The following RALGAPB variants were observed in gnomAD, a reference collection of about 807,000 sequenced individuals.
RALGAPB encodes Ral GTPase activating protein non-catalytic subunit beta, also known as ral GTPase-activating protein subunit beta.
Under a neutral mutation model 161.1 loss-of-function variants are expected in RALGAPB, and 25 were observed. That is an observed-to-expected ratio of 0.16 (90% CI 0.11 to 0.22). The LOEUF (loss-of-function observed/expected upper bound fraction) is 0.22. RALGAPB is among the 10% of genes least tolerant of loss of function. The probability of loss-of-function intolerance (pLI) is 1.00; values close to 1 mark genes in which losing one functional copy is unlikely to be tolerated. For missense variants in RALGAPB, 1,391 were observed against 1,815.2 expected, an observed-to-expected ratio of 0.77 and a Z score of 4.25; for synonymous variants, 629 against 626.1, an observed-to-expected ratio of 1.00 and a Z score of -0.07.
rs970897139 is a variant in RALGAPB at position 38,577,775 on chromosome 20, T to A, written c.*2808T>A. On this transcript the variant is annotated 3_prime_UTR_variant, in exon 30 of 30. Transcript: ENST00000262879. ...TTTTCCTTCATTTCCAGATCCTTTA[T>A]TTCAGAGCAGCCCATTTTCCTCTGG... 6.6e-6 allele frequency: 1 copy of A among 152,332 alleles called. No homozygotes were observed. The highest frequency in any genetic ancestry group is 2.4e-5 in the African/African-American group (1 of 41,272). The allele number at this position is 152,332 out of a possible 1,614,324, so 9.4% of individuals were successfully genotyped here.
intron 16 of RALGAPB, among the ~76,000 whole-genome samples, chr20:38,535,692 C>A (rs1197805237): frequency 6.6e-6 from 1 of 151,746 alleles, no homozygotes; most frequent in Non-Finnish European, 1.5e-5. Context: ...TCCAAGCAAT[C>A]CCCCTGCCTC....
At chr20:38,564,286 T>C (rs1352863416) in intron 24 of RALGAPB, among the ~76,000 whole-genome samples, 1 of 152,226 alleles carries the variant, frequency 6.6e-6, no homozygotes, top group Non-Finnish European at 1.5e-5. Flanking sequence ...ACATTGTCTA[T>C]GACAGCTTTC....
chr20:38,521,764 C>T (rs887593255), intron 10 of RALGAPB, 66 bp downstream of exon 10: 21 of 1,511,288 alleles, frequency 1.4e-5, no homozygotes, highest in African/African-American at 5.5e-5. Flanking sequence ...GTTGGTTGGC[C>T]GACTGAACCG....
At chr20:38,566,539 C>G (rs1285201149) in intron 25 of RALGAPB, among the ~76,000 whole-genome samples, 1 of 152,174 alleles carries the variant, frequency 6.6e-6, no homozygotes, top group Non-Finnish European at 1.5e-5. Context: ...CACTCCAACT[C>G]AGCTTCCTCC....
intron 13 of RALGAPB, among the ~76,000 whole-genome samples, chr20:38,527,455 C>T (rs2123157885): frequency 6.6e-6 from 1 of 152,304 alleles, no homozygotes; most frequent in Middle Eastern, 3.4e-3. Context: ...TCGTAAGTCT[C>T]AAAAGCCATT....
At chr20:38,520,888 C>T (rs1159869298) in intron 9 of RALGAPB, among the ~76,000 whole-genome samples, 2 of 152,152 alleles carry the variant, frequency 1.3e-5, no homozygotes, top group African/African-American at 4.8e-5. Flanking sequence ...TTATCAGCCT[C>T]AAGTTAGCTG....
chr20:38,487,910 T>C (rs1451794242), intron 1 of RALGAPB, among the ~76,000 whole-genome samples: 2 of 151,942 alleles, frequency 1.3e-5, no homozygotes, highest in Non-Finnish European at 2.9e-5. Flanking sequence ...CTACTAAAAA[T>C]ACAAAATTAG....
intron 26 of RALGAPB, chr20:38,569,095 G>A (rs948877557): frequency 6.6e-5 from 10 of 152,130 alleles, no homozygotes; most frequent in Admixed American, 5.2e-4. Context: ...ATAATTATCC[G>A]GGGGGACTTG....
Position 38,538,810 on chromosome 20 carries a change from A to T in RALGAPB, c.2380-966A>T, listed in dbSNP as rs192989826. The stretch of plus-strand genomic sequence containing the variant: ...TGGAGGAACTATTGACGAGAATGTT[A>T]AATGGAGCCACCATTTTGGAAAACA... On this transcript the variant is annotated intron_variant, in intron 16 of 29. Transcript: ENST00000262879. 4.1e-3 allele frequency among the ~76,000 whole-genome samples: 620 copies of T among 152,334 alleles called. 2 individuals carry two copies. Among genetic ancestry groups the T allele is most frequent in the Non-Finnish European group, 7.4e-3 (505 of 68,034 alleles).
chr20:38,529,623 G>C (rs541784359), intron 13 of RALGAPB, among the ~76,000 whole-genome samples: 8 of 152,166 alleles, frequency 5.3e-5, no homozygotes, highest in African/African-American at 1.9e-4. Flanking sequence ...ACGAGGTGAG[G>C]AGTTCAAGAC....
At position 38,574,785 on chromosome 20, in the gene RALGAPB, A is replaced by C; in HGVS notation, c.4303A>C (p.Arg1435=). 1 of 1,613,698 alleles carries C rather than the reference A, an allele frequency of 6.2e-7. No individual in the cohort carries two copies. Among genetic ancestry groups the C allele is most frequent in the Non-Finnish European group, 8.5e-7 (1 of 1,179,612 alleles). The part of the protein sequence containing the change: ...VSRRALGFLV[R]QTVINICRRK... ...TCTCTATTTTCAAGGCTTTCTGGTG[A>C]GGCAGACTGTAATTAACATTTGTAG... is the stretch of plus-strand genomic sequence containing the variant. The change falls in exon 30 of 30, where the codon AGG becomes CGG. Residue 1435 remains arginine, a synonymous_variant. Coordinates refer to ENST00000262879, the MANE Select transcript of RALGAPB (RefSeq NM_020336.4).
intron 10 of RALGAPB, among the ~76,000 whole-genome samples, chr20:38,524,303 C>A (rs569932134): frequency 6.6e-6 from 1 of 152,186 alleles, no homozygotes; most frequent in Admixed American, 6.5e-5. Flanking sequence ...AATGTAAACA[C>A]ACCTTTTTCC....
At chr20:38,485,982 T>TTC (rs1277678615) in intron 1 of RALGAPB, among the ~76,000 whole-genome samples, 2 of 148,814 alleles carry the variant, frequency 1.3e-5, no homozygotes, top group African/African-American at 4.9e-5. Context: ...TTTTTTTTTT[T>TTC]TTTTGAGATG....
At chr20:38,569,321 T>G (rs1385509579) in intron 26 of RALGAPB, 2 of 148,686 alleles carry the variant, frequency 1.3e-5, no homozygotes, top group African/African-American at 5.5e-5. Context: ...CTGTTAACCT[T>G]GCAGTGAAAC....
intron 22 of RALGAPB, 30 bp downstream of exon 22, chr20:38,554,106 A>T: frequency 6.6e-7 from 1 of 1,507,826 alleles, no homozygotes. Context: ...ATGAATAAAT[A>T]TATTCACAAG....
chr20:38,553,524 C>T (rs1199612324), intron 21 of RALGAPB, among the ~76,000 whole-genome samples: 1 of 152,032 alleles, frequency 6.6e-6, no homozygotes, highest in Non-Finnish European at 1.5e-5. Context: ...GTTTTTTTGG[C>T]ATTTGTTTTA....
At chr20:38,536,027 C>G (rs567209961) in intron 16 of RALGAPB, among the ~76,000 whole-genome samples, 1 of 152,292 alleles carries the variant, frequency 6.6e-6, no homozygotes, top group East Asian at 1.9e-4. Flanking sequence ...TAAAAGCAAA[C>G]AATTCAGTGA....
At chr20:38,566,491 GTCTCCTGTTGTGAAACA>G (rs2088004021) in intron 25 of RALGAPB, among the ~76,000 whole-genome samples, 1 of 152,104 alleles carries the variant, frequency 6.6e-6, no homozygotes, top group Non-Finnish European at 1.5e-5. Context: ...TTGGGTCTTT[GTCTCCTGTTGTGAAACA>G]TCTCCTATGC....
intron 5 of RALGAPB, among the ~76,000 whole-genome samples, chr20:38,501,222 A>AT (rs1310401552): frequency 7.2e-5 from 11 of 152,244 alleles, no homozygotes. Flanking sequence ...GGCAAGCTGA[A>AT]GCCAGTGCTC....
Sources: allele counts gnomAD v4.1 joint callset (sites outside exome capture counted in the v4.1 genomes callset), GRCh38; gene constraint gnomAD v4.1.1; transcripts MANE v1.5; gene names NCBI Gene and HGNC (gene_info 2026-07-23, HGNC 2026-07-21).